The following PARG variants were observed in gnomAD, a reference collection of about 807,000 sequenced individuals.
The protein encoded by PARG is poly(ADP-ribose) glycohydrolase, also known as mitochondrial poly(ADP-ribose) glycohydrolase.
A neutral mutation model predicts 113.0 loss-of-function variants in PARG; 35 were observed. The ratio of observed to expected loss-of-function variants is 0.31; its 90% confidence interval spans 0.24 to 0.41. The LOEUF is 0.41. Among genes scored for constraint, PARG ranks in the 10% least tolerant of loss-of-function variants. PARG has a pLI of 1.00. For missense variants in PARG, 797 were observed against 1,169.4 expected, an observed-to-expected ratio of 0.68 and a Z score of 4.64; for synonymous variants, 330 against 409.9, an observed-to-expected ratio of 0.81 and a Z score of 2.36.
At chr10:49,906,119 T>C (rs1554844893) in intron 7 of PARG, among the ~76,000 whole-genome samples, 2 of 149,738 alleles carry the variant, frequency 1.3e-5, no homozygotes, top group Admixed American at 6.7e-5. Flanking sequence ...TGGTAGGTGC[T>C]TTCCCTGAGG....
At position 49,820,277 on chromosome 10, in the gene PARG, C is replaced by T. The variant is rs1052408996; in HGVS notation, c.2664G>A (p.Leu888=). 30 of 1,547,620 alleles carry T rather than the reference C, an allele frequency of 1.9e-5. No homozygotes were observed. Among genetic ancestry groups the T allele is most frequent in the Non-Finnish European group, 2.5e-5 (29 of 1,143,184 alleles). The change falls in exon 17 of 18, where the codon TTG becomes TTA. Residue 888 remains leucine, a synonymous_variant. Transcript: ENST00000616448. ...DARLKALIQI[L]AAAAAERDVV... ...CATCTCGCTCAGCTGCAGCAGCTGC[C>T]AATATCTGTATTAAGGCTGAGGCAA...
intron 15 of PARG, among the ~76,000 whole-genome samples, chr10:49,835,412 G>A (rs1012855299): frequency 6.6e-6 from 1 of 152,126 alleles, no homozygotes; most frequent in Non-Finnish European, 1.5e-5. Context: ...GAAAAAGGAA[G>A]CACTGAGACC....
At chr10:49,908,976 T>G (rs1470227054) in intron 7 of PARG, among the ~76,000 whole-genome samples, 1 of 151,936 alleles carries the variant, frequency 6.6e-6, no homozygotes, top group Non-Finnish European at 1.5e-5. Context: ...GATAAAGGGG[T>G]GGGGATAGGA....
At chr10:49,919,523 C>T (rs1203766672) in intron 6 of PARG, among the ~76,000 whole-genome samples, 2 of 152,176 alleles carry the variant, frequency 1.3e-5, no homozygotes, top group Non-Finnish European at 2.9e-5. Context: ...ATGTTAAATT[C>T]TAACGAACCT....
intron 1 of PARG, among the ~76,000 whole-genome samples, chr10:49,940,366 G>A (rs1315336069): frequency 1.4e-5 from 2 of 144,760 alleles, no homozygotes; most frequent in African/African-American, 2.6e-5. Flanking sequence ...AAAAACCCTT[G>A]AGTAGCTTAT....
rs1219520143 is a variant in PARG, at chr10:49,819,242, C to G, written c.*98G>C. 16 of 974,596 alleles carry G rather than the reference C, an allele frequency of 1.6e-5. No homozygotes were observed. Among genetic ancestry groups the G allele is most frequent in the Non-Finnish European group, 2.1e-5 (14 of 658,878 alleles). The allele number at this position is 974,596 out of a possible 1,614,324, so 60.4% of individuals were successfully genotyped here. A position where few individuals can be genotyped will look rare whatever the true frequency, so the allele number is the denominator to read the frequency against. On this transcript the variant is annotated 3_prime_UTR_variant, in exon 18 of 18. Transcript: ENST00000616448. ...TGACTACAAATGTGGATTATGTACA[C>G]ATTTATATTAACTTAAGTCAATTCA...
chr10:49,906,844 C>G (rs1554845129), intron 7 of PARG, among the ~76,000 whole-genome samples: 1 of 152,008 alleles, frequency 6.6e-6, no homozygotes, highest in Non-Finnish European at 1.5e-5. Flanking sequence ...CAGGCCTATG[C>G]CTGCAACAGA....
At chr10:49,909,446 G>A (rs1554845683) in intron 7 of PARG, among the ~76,000 whole-genome samples, 5 of 151,858 alleles carry the variant, frequency 3.3e-5, no homozygotes, top group African/African-American at 1.2e-4. Context: ...ATAATCACAA[G>A]TTCAAAAACT....
intron 9 of PARG, among the ~76,000 whole-genome samples, chr10:49,879,285 T>C (rs1311806774): frequency 6.6e-6 from 1 of 151,846 alleles, no homozygotes; most frequent in African/African-American, 2.4e-5. Flanking sequence ...ACTTTTCCTC[T>C]ACCTTTCACA....
At chr10:49,893,117 T>TAATA (rs1362149054) in intron 7 of PARG, among the ~76,000 whole-genome samples, 3 of 130,600 alleles carry the variant, frequency 2.3e-5, no homozygotes, top group African/African-American at 9.3e-5. Context: ...AATTAATGGG[T>TAATA]AATAGGGTAA....
intron 16 of PARG, among the ~76,000 whole-genome samples, chr10:49,824,931 A>G (rs964579035): frequency 9.9e-5 from 15 of 152,028 alleles, no homozygotes; most frequent in African/African-American, 3.6e-4. Context: ...ACCCTGGTCA[A>G]CTCCAAGCAG....
chr10:49,883,081 A>G (rs1475094938), intron 8 of PARG, among the ~76,000 whole-genome samples: 45 of 152,218 alleles, frequency 3.0e-4, no homozygotes, highest in Admixed American at 2.9e-3. Context: ...TTCAGGCACA[A>G]TGCATTACTG....
At position 49,933,836 on chromosome 10, in the gene PARG, A is replaced by G; in HGVS notation, c.612T>C (p.Asn204=). Residue 204 remains asparagine, a synonymous_variant, in exon 3 of 18, where the codon AAT becomes AAC. Coordinates refer to ENST00000616448, the MANE Select transcript of PARG (RefSeq NM_003631.5). ...TTGTGAGAAACTGTTGATTGTCTCT[A>G]TTCTCTTCACTATCTGTGTCACTGT... is the stretch of plus-strand genomic sequence containing the variant. ...DDHSDTDSEE[N]RDNQQFLTTV... is the part of the protein sequence containing the mutation. 2.5e-6 allele frequency: 4 copies of G among 1,608,558 alleles called. No individual in the cohort carries two copies. Among genetic ancestry groups the G allele is most frequent in the Non-Finnish European group, 3.4e-6 (4 of 1,174,968 alleles).
At chr10:49,834,519 T>C (rs1294249353) in intron 15 of PARG, among the ~76,000 whole-genome samples, 1 of 152,166 alleles carries the variant, frequency 6.6e-6, no homozygotes, top group East Asian at 1.9e-4. Context: ...CAAAATATTA[T>C]CCAATTTTCC....
intron 13 of PARG, among the ~76,000 whole-genome samples, chr10:49,856,879 C>A (rs1416006492): frequency 2.6e-5 from 4 of 151,398 alleles, no homozygotes; most frequent in Non-Finnish European, 5.9e-5. Flanking sequence ...TGTGGTGACG[C>A]ATGCCTGTAA....
intron 7 of PARG, among the ~76,000 whole-genome samples, chr10:49,890,569 T>C (rs549590137): frequency 6.6e-6 from 1 of 152,276 alleles, no homozygotes; most frequent in East Asian, 1.9e-4. Flanking sequence ...CCTCTCCCTG[T>C]GACCCCCAAC....
In PARG at chr10:49,934,175, C is replaced by T. The variant is rs1213732392; in HGVS notation, c.285-12G>A. On this transcript the variant is annotated splice_polypyrimidine_tract_variant and intron_variant, in intron 2 of 17. Coordinates refer to ENST00000616448, the MANE Select transcript of PARG (RefSeq NM_003631.5). ...CTTTACTATCCAAACTACAAGAGAA[C>T]AGAAAGAACTAAAAACAACTTATAA... 2.1e-5 allele frequency: 20 copies of T among 949,606 alleles called. No homozygotes were observed. Among genetic ancestry groups the T allele is most frequent in the Non-Finnish European group, 3.4e-5 (20 of 586,794 alleles). 58.8% of individuals were successfully genotyped at this position (949,606 alleles called of 1,614,324 possible).
chr10:49,914,466 G>A (rs1184652665), intron 7 of PARG, among the ~76,000 whole-genome samples: 7 of 152,170 alleles, frequency 4.6e-5, no homozygotes, highest in African/African-American at 1.7e-4. Flanking sequence ...AGCCATATGG[G>A]TCAAAAGCTC....
chr10:49,832,347 G>T (rs1844711969), intron 16 of PARG, among the ~76,000 whole-genome samples: 1 of 152,114 alleles, frequency 6.6e-6, no homozygotes, highest in South Asian at 2.1e-4. Context: ...CTCATACACT[G>T]GACTGTGAAT....
Sources: allele counts gnomAD v4.1 joint callset (sites outside exome capture counted in the v4.1 genomes callset), GRCh38; gene constraint gnomAD v4.1.1; transcripts MANE v1.5; gene names NCBI Gene and HGNC (gene_info 2026-07-23, HGNC 2026-07-21).